PCDHAC1: variants seen among roughly 807,000 people sequenced by gnomAD.
PCDHAC1 encodes protocadherin alpha subfamily C, 1, also known as protocadherin alpha-C1.
A neutral mutation model predicts 60.0 loss-of-function variants in PCDHAC1; 42 were observed. The ratio of observed to expected loss-of-function variants is 0.70; its 90% CI spans 0.55 to 0.90. PCDHAC1 has a LOEUF of 0.90. Ranked by LOEUF, PCDHAC1 falls within the 40% of genes least tolerant of loss-of-function variation. The pLI is 0.00. For missense variants in PCDHAC1, 1,160 were observed against 1,222.3 expected (o/e 0.95, Z 0.76); for synonymous variants, 468 against 499.3 (o/e 0.94, Z 0.84).
chr5:140,927,782 C>T lies in PCDHAC1; in HGVS notation c.890C>T (p.Ala297Val), dbSNP rs550993125. 50 of 1,614,098 alleles carry T rather than the reference C, an allele frequency of 3.1e-5. No homozygotes were observed. The highest frequency in any genetic ancestry group is 2.2e-4 in the South Asian group (20 of 91,084). ...AAAAGTGGGGAGGTGCAAGTAGCTG[C>T]TTCACTAGGTCCGCCTGAAACGCTC... ...HPKSGEVQVA[A>V]SLGPPETLLE... Residue 297 changes from alanine (A) to valine (V), a missense_variant, in exon 1 of 4, where the codon GCT (alanine) becomes GTT (valine). Physicochemically the swap from Ala to Val is moderately conservative, Grantham distance 64. Around this residue, in one of 3 missense-constraint regions of PCDHAC1, gnomAD observed 1,113 missense variants for 1,163.7 expected, o/e 0.96. Coordinates refer to ENST00000253807, the MANE Select transcript of PCDHAC1 (RefSeq NM_018898.5).
chr5:140,976,353 C>T (rs1401617354), intron 1 of PCDHAC1, among the ~76,000 whole-genome samples: 2 of 151,992 alleles, frequency 1.3e-5, no homozygotes, highest in African/African-American at 2.4e-5. Context: ...GTGTTCAAGA[C>T]CAGCCTGGCC....
At chr5:140,967,091 G>A (rs782261207) in intron 1 of PCDHAC1, 1 of 1,613,196 alleles carries the variant, frequency 6.2e-7, no homozygotes. Context: ...TGATCGGGAG[G>A]CGCTGTGTGA....
intron 1 of PCDHAC1, among the ~76,000 whole-genome samples, chr5:140,955,031 A>C (rs782110698): frequency 6.6e-6 from 1 of 152,166 alleles, no homozygotes; most frequent in Non-Finnish European, 1.5e-5. Flanking sequence ...TAAATAGGGA[A>C]TCTTTTCCTC....
intron 3 of PCDHAC1, among the ~76,000 whole-genome samples, chr5:140,985,935 T>C (rs1563529145): frequency 6.6e-6 from 1 of 151,974 alleles, no homozygotes; most frequent in African/African-American, 2.4e-5. Context: ...GAGCCGGGGT[T>C]TCACTGTGTT....
chr5:140,981,685 C>T (rs369964011), intron 2 of PCDHAC1, among the ~76,000 whole-genome samples: 1 of 152,048 alleles, frequency 6.6e-6, no homozygotes, highest in African/African-American at 2.4e-5. Flanking sequence ...TTCCTCCCTT[C>T]CATCATTCAT....
At chr5:140,996,836 C>T (rs1247616398) in intron 3 of PCDHAC1, among the ~76,000 whole-genome samples, 43 of 152,096 alleles carry the variant, frequency 2.8e-4, no homozygotes, top group African/African-American at 1.0e-3. Flanking sequence ...AATAATTTAG[C>T]GTGCATCTTC....
At chr5:140,979,137 A>G (rs1554240284) in intron 2 of PCDHAC1, 130 bp downstream of exon 2, 1 of 1,459,542 alleles carries the variant, frequency 6.9e-7, no homozygotes, top group Non-Finnish European at 9.0e-7. Context: ...GGAAAATGCA[A>G]TTATTTTGTC....
At chr5:140,940,566 G>T (rs1226026261) in intron 1 of PCDHAC1, among the ~76,000 whole-genome samples, 1 of 151,754 alleles carries the variant, frequency 6.6e-6, no homozygotes, top group African/African-American at 2.4e-5. Flanking sequence ...CTCCTACCTT[G>T]GCTCCCAAAG....
At chr5:140,985,579 C>T (rs2097158687) in intron 3 of PCDHAC1, among the ~76,000 whole-genome samples, 1 of 152,084 alleles carries the variant, frequency 6.6e-6, no homozygotes, top group African/African-American at 2.4e-5. Context: ...GTGCCTAAGC[C>T]TCCTTATACT....
At chr5:140,987,893 G>A (rs571929057) in intron 3 of PCDHAC1, among the ~76,000 whole-genome samples, 82 of 152,138 alleles carry the variant, frequency 5.4e-4, no homozygotes, top group Admixed American at 1.5e-3. Context: ...ATGTGCCCTA[G>A]TTTTATATGG....
At chr5:140,993,460 T>A (rs1416332490) in intron 3 of PCDHAC1, among the ~76,000 whole-genome samples, 1 of 104,506 alleles carries the variant, frequency 9.6e-6, no homozygotes, top group Non-Finnish European at 1.9e-5. Context: ...CTTCTTTCTT[T>A]CTCACACACA....
chr5:140,927,951 T>G lies in PCDHAC1; in HGVS notation c.1059T>G (p.Ala353=). The G allele has an allele frequency of 6.2e-7, 1 of 1,614,198 alleles. No individual in the cohort carries two copies. Among genetic ancestry groups the G allele is most frequent in the Non-Finnish European group, 8.5e-7 (1 of 1,180,034 alleles). ...LTLSNPVPED[A]APGTVIALFS... Reference sequence around the variant, plus strand: ...TTTCGAACCCAGTACCTGAGGACGCTGCCCCTGGCACAGTGATTGCTCTCT... The same window carrying G: ...TTTCGAACCCAGTACCTGAGGACGCGGCCCCTGGCACAGTGATTGCTCTCT... Residue 353 remains alanine (A), a synonymous_variant, in exon 1 of 4, where the codon GCT becomes GCG. Coordinates refer to ENST00000253807, the MANE Select transcript of PCDHAC1 (RefSeq NM_018898.5).
At chr5:140,941,214 C>CTTCCTTTCTTTCTTT (rs1554214039) in intron 1 of PCDHAC1, among the ~76,000 whole-genome samples, 1 of 122,414 alleles carries the variant, frequency 8.2e-6, no homozygotes, top group Non-Finnish European at 1.7e-5. Context: ...TTTCTTTCTT[C>CTTCCTTTCTTTCTTT]CTTTCTTTCT....
chr5:141,010,343 G>C lies in PCDHAC1; in HGVS notation c.*406G>C. 1 of 1,518,858 alleles carries C rather than the reference G, an allele frequency of 6.6e-7. No homozygotes were observed. Among genetic ancestry groups the C allele is most frequent in the Admixed American group, 2.1e-5 (1 of 46,514 alleles). 94.1% of individuals were successfully genotyped at this position (1,518,858 alleles called of 1,614,324 possible). A position where few individuals can be genotyped will look rare whatever the true frequency, so the allele number is the denominator to read the frequency against. On this transcript the variant is annotated 3_prime_UTR_variant, in exon 4 of 4. Coordinates refer to ENST00000253807, the MANE Select transcript of PCDHAC1 (RefSeq NM_018898.5). ...GCAGCTTGGGAGTTTGTGGCCACTGGGTATGTGTGGCTACCGCGGGTATGC... is the reference window on the plus strand; with the variant it reads ...GCAGCTTGGGAGTTTGTGGCCACTGCGTATGTGTGGCTACCGCGGGTATGC...
intron 3 of PCDHAC1, among the ~76,000 whole-genome samples, chr5:141,007,590 GATA>G (rs1332143320): frequency 4.0e-5 from 6 of 151,858 alleles, no homozygotes; most frequent in Non-Finnish European, 8.8e-5. Context: ...TAATAATCAT[GATA>G]ATAATAAAAG....
At chr5:140,964,771 A>C (rs2095853520) in intron 1 of PCDHAC1, among the ~76,000 whole-genome samples, 1 of 152,022 alleles carries the variant, frequency 6.6e-6, no homozygotes, top group South Asian at 2.1e-4. Context: ...GGATGCAGAG[A>C]GAAGAGGAAG....
chr5:140,939,551 G>A (rs2092410878), intron 1 of PCDHAC1, among the ~76,000 whole-genome samples: 1 of 151,156 alleles, frequency 6.6e-6, no homozygotes, highest in African/African-American at 2.5e-5. Flanking sequence ...ATTTCTTGTT[G>A]TATTAGTTTG....
At chr5:140,965,639 C>G (rs781995485) in intron 1 of PCDHAC1, among the ~76,000 whole-genome samples, 1 of 152,000 alleles carries the variant, frequency 6.6e-6, no homozygotes, top group Non-Finnish European at 1.5e-5. Flanking sequence ...TTTTAAATTA[C>G]TCTTGAAAGA....
chr5:140,976,023 A>C (rs907977893), intron 1 of PCDHAC1, among the ~76,000 whole-genome samples: 1 of 152,206 alleles, frequency 6.6e-6, no homozygotes, highest in Non-Finnish European at 1.5e-5. Flanking sequence ...AAATAATCAC[A>C]GTTATTTCAA....
Sources: gnomAD v4.1 joint callset for allele counts (sites outside exome capture counted in the v4.1 genomes callset) on GRCh38, gnomAD v4.1.1 for gene constraint, gnomAD v4.1.1 regional missense constraint, MANE v1.5 for transcripts, NCBI Gene and HGNC (gene_info 2026-07-23, HGNC 2026-07-21) for gene names.